SLC25A26: variants seen among roughly 807,000 people sequenced by gnomAD.
SLC25A26 encodes mitochondrial S-adenosylmethionine carrier protein.
SLC25A26 carries 36 observed loss-of-function variants against 37.8 expected under a neutral mutation model. That is an observed-to-expected ratio of 0.95 (90% CI 0.73 to 1.26). The LOEUF is 1.26. Among genes scored for constraint, SLC25A26 ranks in the 50% most tolerant of loss-of-function variants. The pLI is 0.00. For synonymous variants in SLC25A26, 129 were observed against 122.5 expected (o/e 1.05, Z -0.35); for missense variants, 390 against 331.1 (o/e 1.18, Z -1.38).
chr3:66,274,987 A>G (rs1230598853), intron 5 of SLC25A26, among the ~76,000 whole-genome samples: 3 of 152,106 alleles, frequency 2.0e-5, no homozygotes, highest in African/African-American at 7.2e-5. Flanking sequence ...AATAGCAAAG[A>G]CTTGGAACCA....
At chr3:66,217,523 CA>C (rs2071379559), upstream of SLC25A26, among the ~76,000 whole-genome samples, 1 of 151,862 alleles carries the variant, frequency 6.6e-6, no homozygotes, top group South Asian at 2.1e-4. Flanking sequence ...ATATTTTAAT[CA>C]ACTTTATTGA....
rs1576642218 is a variant in SLC25A26 at position 66,212,613 on chromosome 3, A to G, written c.-353-8129A>G. Among the ~76,000 whole-genome samples, 3 of 152,314 alleles carry G rather than the reference A, an allele frequency of 2.0e-5. No individual in the cohort carries two copies. The East Asian group carries it at 5.8e-4, about 29-fold the overall frequency. On this transcript the variant is annotated intron_variant, in intron 1 of 10. Coordinates refer to the SLC25A26 transcript ENST00000676754. ...TATCCATTGAACAATTCAATGAACA[A>G]TTCAATACTGTATCCATTGAATTCT...
Position 66,354,157 on chromosome 3 carries a change from A to AT in SLC25A26, c.498+7762dup, listed in dbSNP as rs547819510. On this transcript the variant is annotated intron_variant, in intron 6 of 9. Transcript: ENST00000354883. ...ATGATAAAATTTCCTGTGAGAATGC[A>AT]TTTTTTTTTTTTTCTATTTTCTTAG... Among the ~76,000 whole-genome samples the AT allele has an allele frequency of 5.6e-3, 819 of 145,244 alleles. 8 individuals carry two copies. The highest frequency in any genetic ancestry group is 0.015 in the African/African-American group (582 of 39,806).
At chr3:66,167,925 G>A (rs1467859749) in intron 1 of SLC25A26, among the ~76,000 whole-genome samples, 2 of 151,944 alleles carry the variant, frequency 1.3e-5, no homozygotes, top group Non-Finnish European at 2.9e-5. Flanking sequence ...AGGCCGAGGC[G>A]GGCGGATCAC....
intron 1 of SLC25A26, among the ~76,000 whole-genome samples, chr3:66,143,905 A>T (rs979005602): frequency 6.6e-6 from 1 of 152,086 alleles, no homozygotes; most frequent in African/African-American, 2.4e-5. Flanking sequence ...TAACTTTAAG[A>T]TGAGAACAGC....
intron 6 of SLC25A26, among the ~76,000 whole-genome samples, chr3:66,348,765 T>C (rs1408374509): frequency 6.6e-6 from 1 of 152,254 alleles, no homozygotes; most frequent in Non-Finnish European, 1.5e-5. Context: ...TCATTTAATA[T>C]AGTTTTTTGG....
At chr3:66,209,137 T>TTA (rs1231954950) in intron 1 of SLC25A26, among the ~76,000 whole-genome samples, 9,596 of 93,934 alleles carry the variant, frequency 0.1, 1,389 homozygotes, top group African/African-American at 0.26. Context: ...TATATACCTT[T>TTA]TATATATATA....
intron 1 of SLC25A26, among the ~76,000 whole-genome samples, chr3:66,225,377 A>G (rs1403420491): frequency 6.6e-6 from 1 of 152,224 alleles, no homozygotes; most frequent in Non-Finnish European, 1.5e-5. Context: ...CTTCGAAGCC[A>G]TAGCCTGAGC....
At chr3:66,350,296 C>G (rs1413816377) in intron 6 of SLC25A26, among the ~76,000 whole-genome samples, 2 of 152,154 alleles carry the variant, frequency 1.3e-5, no homozygotes, top group Non-Finnish European at 2.9e-5. Context: ...AAGTCATCAT[C>G]TTTCTTGTAA....
At chr3:66,362,441 G>A (rs990978680) in intron 6 of SLC25A26, among the ~76,000 whole-genome samples, 2 of 152,104 alleles carry the variant, frequency 1.3e-5, no homozygotes, top group African/African-American at 4.8e-5. Flanking sequence ...AAAAATATGT[G>A]ATTACAATGA....
chr3:66,142,723 C>T (rs2070054036), intron 1 of SLC25A26, among the ~76,000 whole-genome samples: 1 of 152,098 alleles, frequency 6.6e-6, no homozygotes, highest in African/African-American at 2.4e-5. Flanking sequence ...TAAAAAGTCT[C>T]CCATATCACA....
At chr3:66,322,224 G>T (rs2075714616) in intron 5 of SLC25A26, among the ~76,000 whole-genome samples, 1 of 152,136 alleles carries the variant, frequency 6.6e-6, no homozygotes, top group Non-Finnish European at 1.5e-5. Flanking sequence ...TTTAAGGAAG[G>T]AATCCTTTGT....
At chr3:66,186,846 ACT>A (rs2070838101) in intron 1 of SLC25A26, among the ~76,000 whole-genome samples, 2 of 151,682 alleles carry the variant, frequency 1.3e-5, no homozygotes, top group Non-Finnish European at 2.9e-5. Context: ...ACTCAGCAAG[ACT>A]CTGATATTCA....
At chr3:66,143,857 G>A (rs1326284625) in intron 1 of SLC25A26, among the ~76,000 whole-genome samples, 1 of 152,096 alleles carries the variant, frequency 6.6e-6, no homozygotes, top group African/African-American at 2.4e-5. Flanking sequence ...CTCCAGCCTG[G>A]GCAACAGAGT....
At chr3:66,198,628 C>G (rs1186802697) in intron 1 of SLC25A26, among the ~76,000 whole-genome samples, 1 of 151,904 alleles carries the variant, frequency 6.6e-6, no homozygotes, top group Non-Finnish European at 1.5e-5. Context: ...ATGTCCCTGA[C>G]ACCTCACTTG....
chr3:66,149,567 C>T (rs1000857528), intron 1 of SLC25A26, among the ~76,000 whole-genome samples: 4 of 152,134 alleles, frequency 2.6e-5, no homozygotes, highest in Non-Finnish European at 4.4e-5. Flanking sequence ...TGTGCTCTTA[C>T]GTGTTTTGTT....
At chr3:66,331,879 T>A (rs920767644) in intron 5 of SLC25A26, among the ~76,000 whole-genome samples, 2 of 152,170 alleles carry the variant, frequency 1.3e-5, no homozygotes, top group Non-Finnish European at 2.9e-5. Flanking sequence ...ATTTTCACTT[T>A]CCTCTTGTTC....
At chr3:66,359,248 C>T (rs1490081063) in intron 6 of SLC25A26, among the ~76,000 whole-genome samples, 1 of 152,214 alleles carries the variant, frequency 6.6e-6, no homozygotes, top group Non-Finnish European at 1.5e-5. Context: ...CTCTGTGAAG[C>T]TTTCTCTGTC....
chr3:66,374,427 A>C (rs1700521082), intron 9 of SLC25A26, among the ~76,000 whole-genome samples: 1 of 152,262 alleles, frequency 6.6e-6, no homozygotes, highest in South Asian at 2.1e-4. Flanking sequence ...TTAATCGACA[A>C]ATGTGGTGTG....
Sources: gnomAD v4.1 joint callset for allele counts (sites outside exome capture counted in the v4.1 genomes callset) on GRCh38, gnomAD v4.1.1 for gene constraint, MANE v1.5 for transcripts, NCBI Gene and HGNC (gene_info 2026-07-23, HGNC 2026-07-21) for gene names.